The following LANCL2 variants were observed in gnomAD, a reference collection of about 807,000 sequenced individuals.
The protein encoded by LANCL2 is LanC like glutathione S-transferase 2, also known as lanC-like protein 2.
Under a neutral mutation model 56.9 loss-of-function variants are expected in LANCL2, and 33 were observed. The observed-to-expected ratio is 0.58, with a 90% confidence interval of 0.44 to 0.78. The LOEUF (loss-of-function observed/expected upper bound fraction) is 0.78. Ranked by LOEUF, LANCL2 falls within the 30% of genes least tolerant of loss-of-function variation. LANCL2 has a pLI of 0.00. For missense variants in LANCL2, 562 were observed against 580.2 expected, an observed-to-expected ratio of 0.97 and a Z score of 0.32; for synonymous variants, 233 against 228.2, an observed-to-expected ratio of 1.02 and a Z score of -0.19.
intron 1 of LANCL2, among the ~76,000 whole-genome samples, chr7:55,385,353 G>C (rs1477614732): frequency 6.6e-6 from 1 of 152,190 alleles, no homozygotes; most frequent in Non-Finnish European, 1.5e-5. Flanking sequence ...GAGGTGACAG[G>C]CCAGTGGAAG....
intron 5 of LANCL2, 69 bp downstream of exon 5, chr7:55,401,389 T>C: frequency 7.1e-7 from 1 of 1,409,384 alleles, no homozygotes. Context: ...GAATCCTGCA[T>C]ATAAACAAAG....
At chr7:55,416,963 G>A (rs972842140) in intron 6 of LANCL2, among the ~76,000 whole-genome samples, 2 of 126,238 alleles carry the variant, frequency 1.6e-5, no homozygotes, top group African/African-American at 5.8e-5. Flanking sequence ...GGTAACAAAC[G>A]AGGTGGTTTT....
intron 6 of LANCL2, among the ~76,000 whole-genome samples, chr7:55,413,875 G>A (rs1583761619): frequency 6.6e-6 from 1 of 152,258 alleles, no homozygotes; most frequent in African/African-American, 2.4e-5. Context: ...ATCTTCTGGG[G>A]GTAGGAAGGC....
At chr7:55,415,758 C>T (rs1030375811) in intron 6 of LANCL2, among the ~76,000 whole-genome samples, 2 of 151,798 alleles carry the variant, frequency 1.3e-5, no homozygotes, top group African/African-American at 4.8e-5. Context: ...GGATTACAGG[C>T]ACACGTCACC....
chr7:55,384,686 C>G lies in LANCL2; in HGVS notation c.205-7107C>G, dbSNP rs137890192. On this transcript the variant is annotated intron_variant, in intron 1 of 8. Coordinates refer to ENST00000254770, the MANE Select transcript of LANCL2 (RefSeq NM_018697.4). ...ACATCTTGGTAGGAGCAGAGGAAAA[C>G]AACACATTATATATAGGGAATTTTA... 4.5e-3 allele frequency among the ~76,000 whole-genome samples: 687 copies of G among 152,116 alleles called. 4 individuals are homozygous for G. The highest frequency in any genetic ancestry group is 0.02 in the Middle Eastern group (6 of 294).
chr7:55,391,850 A>T lies in LANCL2; in HGVS notation c.262A>T (p.Met88Leu). The T allele has an allele frequency of 6.2e-7, 1 of 1,613,290 alleles. No individual in the cohort carries two copies. The highest frequency in any genetic ancestry group is 8.5e-7 in the Non-Finnish European group (1 of 1,179,330). The change falls in exon 2 of 9, where the codon ATG becomes TTG. Residue 88 changes from methionine (M) to leucine (L), a missense_variant. Around this residue, in one of 2 missense-constraint regions of LANCL2, gnomAD observed 378 missense variants for 468.4 expected, o/e 0.81. Coordinates refer to ENST00000254770, the MANE Select transcript of LANCL2 (RefSeq NM_018697.4). ...CAAAATTAAAGATCTTCTGCAGCAA[A>T]TGGAAGAAGGGCTGAAGACAGCTGA... ...QTKIKDLLQQ[M>L]EEGLKTADPH...
At chr7:55,397,415 C>T (rs1030795617) in intron 2 of LANCL2, among the ~76,000 whole-genome samples, 1 of 141,092 alleles carries the variant, frequency 7.1e-6, no homozygotes, top group Non-Finnish European at 1.5e-5. Context: ...GAGCCGAGAT[C>T]GTGCTGCTGC....
intron 2 of LANCL2, among the ~76,000 whole-genome samples, chr7:55,395,324 A>T (rs775329799): frequency 6.6e-6 from 1 of 152,248 alleles, no homozygotes; most frequent in African/African-American, 2.4e-5. Flanking sequence ...AGTACTTTCA[A>T]CATTCATTTT....
chr7:55,417,018 C>T (rs192088312), intron 6 of LANCL2, among the ~76,000 whole-genome samples: 2,161 of 118,692 alleles, frequency 0.018, 40 homozygotes, highest in Middle Eastern at 0.064. Context: ...CTCACTCTGT[C>T]GCCCAGGCTG....
At chr7:55,424,891 C>T (rs1471728712) in intron 6 of LANCL2, among the ~76,000 whole-genome samples, 1 of 152,206 alleles carries the variant, frequency 6.6e-6, no homozygotes, top group African/African-American at 2.4e-5. Flanking sequence ...TCGTGAACTG[C>T]TTATGCGAGG....
Position 55,400,111 on chromosome 7 carries a change from T to TGGGG in LANCL2, c.678+8_678+11dup. ...TGAGTCAGCTATTAAAGAGGTACTA[T>TGGGG]GGGGTATGGGTAACTATGGGCGTCT... On this transcript the variant is annotated splice_region_variant and intron_variant, in intron 4 of 8. Transcript: ENST00000254770. 6.3e-7 allele frequency: 1 copy of TGGGG among 1,583,412 alleles called. No individual in the cohort carries two copies. Among genetic ancestry groups the TGGGG allele is most frequent in the South Asian group, 1.2e-5 (1 of 86,416 alleles).
At chr7:55,370,991 T>A (rs928694956) in intron 1 of LANCL2, among the ~76,000 whole-genome samples, 1 of 152,234 alleles carries the variant, frequency 6.6e-6, no homozygotes, top group Non-Finnish European at 1.5e-5. Context: ...AATTAATATA[T>A]TCCCAATGTC....
chr7:55,387,372 C>T (rs1750828181), intron 1 of LANCL2, among the ~76,000 whole-genome samples: 1 of 152,124 alleles, frequency 6.6e-6, no homozygotes, highest in African/African-American at 2.4e-5. Flanking sequence ...AGCACTAGGC[C>T]ACAATAACAG....
chr7:55,400,171 T>A, intron 4 of LANCL2, 67 bp downstream of exon 4: 1 of 1,311,680 alleles, frequency 7.6e-7, no homozygotes, highest in Non-Finnish European at 1.0e-6. Flanking sequence ...CATTGAGTTG[T>A]ATTAACAGCT....
intron 1 of LANCL2, among the ~76,000 whole-genome samples, chr7:55,385,400 C>T (rs1310392448): frequency 1.3e-5 from 2 of 152,140 alleles, no homozygotes; most frequent in Non-Finnish European, 2.9e-5. Context: ...CCCCGATAAT[C>T]ATGTAGGTTC....
chr7:55,369,120 G>GAC lies in LANCL2; in HGVS notation c.204+2893_204+2894dup, dbSNP rs1476609704. On this transcript the variant is annotated intron_variant, in intron 1 of 8. Coordinates refer to ENST00000254770, the MANE Select transcript of LANCL2 (RefSeq NM_018697.4). ...AGGAAGGATTCTCCTCTGTAAGTTTGACAGAGAGCATGGCCCTGTTGATAC... is the reference window on the plus strand; with the variant it reads ...AGGAAGGATTCTCCTCTGTAAGTTTGACACAGAGAGCATGGCCCTGTTGATAC... Among the ~76,000 whole-genome samples, 5 of 152,202 alleles carry GAC rather than the reference G, an allele frequency of 3.3e-5. No individual in the cohort carries two copies. In the East Asian group the frequency reaches 7.7e-4, roughly 23 times the overall value.
intron 1 of LANCL2, among the ~76,000 whole-genome samples, chr7:55,382,749 A>G (rs4601270): frequency 0.35 from 53,361 of 151,888 alleles, 9,842 homozygotes; most frequent in African/African-American, 0.42. Flanking sequence ...AATATATCTC[A>G]AGCACCATTC....
chr7:55,410,912 A>T (rs1462176674), intron 5 of LANCL2, among the ~76,000 whole-genome samples: 7 of 150,084 alleles, frequency 4.7e-5, no homozygotes, highest in Non-Finnish European at 1.0e-4. Context: ...TGTCACCCTA[A>T]GATGTTCTGT....
chr7:55,416,590 G>A (rs1254473947), intron 6 of LANCL2, among the ~76,000 whole-genome samples: 5 of 151,816 alleles, frequency 3.3e-5, no homozygotes, highest in African/African-American at 4.8e-5. Context: ...CTGTCTCTTC[G>A]TGTGTTTTAC....
Sources: allele counts gnomAD v4.1 joint callset (sites outside exome capture counted in the v4.1 genomes callset), GRCh38; gene constraint gnomAD v4.1.1; regional missense constraint gnomAD v4.1.1; transcripts MANE v1.5; gene names NCBI Gene and HGNC (gene_info 2026-07-23, HGNC 2026-07-21).